CNTNAP4: variants seen among roughly 807,000 people sequenced by gnomAD.
The protein encoded by CNTNAP4 is contactin-associated protein-like 4.
In CNTNAP4, 98 loss-of-function variants were observed where a neutral mutation model predicts 148.4. The ratio of observed to expected loss-of-function variants is 0.66; its 90% CI spans 0.56 to 0.78. CNTNAP4 has a LOEUF of 0.78. Among genes scored for constraint, CNTNAP4 ranks in the 30% least tolerant of loss-of-function variants. The pLI is 0.00. For missense variants in CNTNAP4, 1,935 were observed against 1,565.6 expected, an observed-to-expected ratio of 1.24 and a Z score of -3.98; for synonymous variants, 730 against 565.1, an observed-to-expected ratio of 1.29 and a Z score of -4.14.
chr16:76,391,632 G>A (rs1264612704), intron 3 of CNTNAP4, among the ~76,000 whole-genome samples: 11 of 151,980 alleles, frequency 7.2e-5, no homozygotes, highest in Non-Finnish European at 1.2e-4. Context: ...ATCCCACTTC[G>A]GATCTACCCA....
intron 3 of CNTNAP4, among the ~76,000 whole-genome samples, chr16:76,361,951 G>C (rs1036178180): frequency 3.3e-5 from 5 of 152,028 alleles, no homozygotes; most frequent in African/African-American, 1.2e-4. Context: ...TCACCAACCT[G>C]CTGGTTATGT....
At chr16:76,435,607 G>A (rs1249894927) in intron 4 of CNTNAP4, among the ~76,000 whole-genome samples, 2 of 152,104 alleles carry the variant, frequency 1.3e-5, no homozygotes, top group African/African-American at 2.4e-5. Context: ...CAAGGTGTTG[G>A]TCAAGGGTAT....
chr16:76,496,104 T>TGTGTGTGTGC (rs770815373), intron 14 of CNTNAP4, among the ~76,000 whole-genome samples: 3 of 150,758 alleles, frequency 2.0e-5, no homozygotes, highest in Non-Finnish European at 3.0e-5. Context: ...TGTGTGTGTG[T>TGTGTGTGTGC]GTGCGTGTAT....
chr16:76,376,414 T>A (rs2015417524), intron 3 of CNTNAP4, among the ~76,000 whole-genome samples: 1 of 152,000 alleles, frequency 6.6e-6, no homozygotes, highest in African/African-American at 2.4e-5. Context: ...AGGATTCAAA[T>A]CACAGTTGGC....
At chr16:76,500,363 A>C (rs1046891675) in intron 15 of CNTNAP4, among the ~76,000 whole-genome samples, 2 of 152,248 alleles carry the variant, frequency 1.3e-5, no homozygotes, top group African/African-American at 4.8e-5. Context: ...CTATGATGGC[A>C]AACTTTGTTA....
intron 3 of CNTNAP4, among the ~76,000 whole-genome samples, chr16:76,424,811 A>G (rs1568114106): frequency 6.6e-6 from 1 of 152,068 alleles, no homozygotes; most frequent in Non-Finnish European, 1.5e-5. Context: ...CACACACCCA[A>G]AGAGAAAGAG....
intron 3 of CNTNAP4, among the ~76,000 whole-genome samples, chr16:76,395,505 C>A (rs990080976): frequency 2.0e-5 from 3 of 151,874 alleles, no homozygotes; most frequent in Non-Finnish European, 2.9e-5. Flanking sequence ...ACCTTGTGAT[C>A]CACCTGCCTC....
chr16:76,304,111 T>G (rs897497664), intron 1 of CNTNAP4, among the ~76,000 whole-genome samples: 4 of 152,168 alleles, frequency 2.6e-5, no homozygotes, highest in Non-Finnish European at 5.9e-5. Flanking sequence ...ACTCTTTATC[T>G]GCTGACTCAT....
intron 1 of CNTNAP4, among the ~76,000 whole-genome samples, chr16:76,303,825 C>G (rs967983200): frequency 4.6e-5 from 7 of 152,118 alleles, no homozygotes; most frequent in Non-Finnish European, 1.0e-4. Flanking sequence ...ATCGTAAGAA[C>G]AGTTTTACTT....
At chr16:76,507,868 A>G (rs2082885687) in intron 15 of CNTNAP4, among the ~76,000 whole-genome samples, 1 of 97,772 alleles carries the variant, frequency 1.0e-5, no homozygotes, top group African/African-American at 2.6e-5. Context: ...CCACGATGGC[A>G]TCTGGCTCTA....
rs1033005749 is a variant in CNTNAP4 at position 76,540,587 on chromosome 16, G to T, written c.3355-116G>T. On this transcript the variant is annotated intron_variant, in intron 20 of 23. Transcript: ENST00000611870. Reference sequence around the variant, plus strand: ...AAATTTTGTTTTTTTCTAAATGTTTGGGGCCATGCTAACAACTGCTTAATG... The same window carrying T: ...AAATTTTGTTTTTTTCTAAATGTTTTGGGCCATGCTAACAACTGCTTAATG... 2.0e-5 allele frequency: 11 copies of T among 552,982 alleles called. No homozygotes were observed. In the South Asian group the frequency reaches 2.6e-4, roughly 13 times the overall value. 34.3% of individuals were successfully genotyped at this position (552,982 alleles called of 1,614,324 possible).
At chr16:76,442,396 T>C (rs2080080185) in intron 4 of CNTNAP4, among the ~76,000 whole-genome samples, 1 of 152,186 alleles carries the variant, frequency 6.6e-6, no homozygotes, top group South Asian at 2.1e-4. Context: ...TTATTTGTTT[T>C]ACAACAATAA....
chr16:76,322,537 C>G lies in CNTNAP4; in HGVS notation c.196+6014C>G, dbSNP rs1301902094. ...CTTAATCACTACTACATTTTACTCC[C>G]TTAAGGATTGGCAAGATATTTCACC... On this transcript the variant is annotated intron_variant, in intron 2 of 23. Coordinates refer to ENST00000611870, the MANE Select transcript of CNTNAP4 (RefSeq NM_033401.5). 2.0e-5 allele frequency among the ~76,000 whole-genome samples: 3 copies of G among 152,190 alleles called. No homozygotes were observed. The East Asian group carries it at 5.8e-4, about 29-fold the overall frequency.
At chr16:76,422,278 A>T (rs146273970) in intron 3 of CNTNAP4, among the ~76,000 whole-genome samples, 32 of 152,136 alleles carry the variant, frequency 2.1e-4, no homozygotes, top group Non-Finnish European at 7.4e-5. Flanking sequence ...TATTTTATGT[A>T]CTTAATGATA....
intron 2 of CNTNAP4, among the ~76,000 whole-genome samples, chr16:76,354,191 T>C (rs1430013374): frequency 1.3e-5 from 2 of 152,196 alleles, no homozygotes; most frequent in African/African-American, 4.8e-5. Context: ...AGTCAAACCC[T>C]ATTTCGTAAC....
intron 17 of CNTNAP4, 62 bp downstream of exon 17, chr16:76,522,319 T>A: frequency 3.7e-6 from 5 of 1,341,436 alleles, no homozygotes; most frequent in Non-Finnish European, 5.3e-6. Flanking sequence ...TGGCCCAAGA[T>A]AAAATAATAC....
At chr16:76,460,817 T>G (rs1176900610) in intron 8 of CNTNAP4, among the ~76,000 whole-genome samples, 3 of 132,414 alleles carry the variant, frequency 2.3e-5, no homozygotes, top group Non-Finnish European at 4.8e-5. Context: ...TATAAATATA[T>G]AGAGAGTTTA....
chr16:76,441,646 A>G (rs1273023299), intron 4 of CNTNAP4, among the ~76,000 whole-genome samples: 2 of 152,140 alleles, frequency 1.3e-5, no homozygotes, highest in Non-Finnish European at 2.9e-5. Flanking sequence ...GCTTGAAATC[A>G]TCCTTGCTGC....
At chr16:76,441,486 A>G (rs1425944300) in intron 4 of CNTNAP4, among the ~76,000 whole-genome samples, 1 of 152,142 alleles carries the variant, frequency 6.6e-6, no homozygotes, top group Non-Finnish European at 1.5e-5. Flanking sequence ...AATCTTTTTG[A>G]GTCTCTTCTT....
Sources: gnomAD v4.1 joint callset for allele counts (sites outside exome capture counted in the v4.1 genomes callset) on GRCh38, gnomAD v4.1.1 for gene constraint, MANE v1.5 for transcripts, NCBI Gene and HGNC (gene_info 2026-07-23, HGNC 2026-07-21) for gene names.